REV1: variants seen among roughly 807,000 people sequenced by gnomAD.
REV1 encodes the protein translesion synthesis protein REV1.
REV1 carries 42 observed loss-of-function variants against 137.4 expected under a neutral mutation model. The ratio of observed to expected loss-of-function variants is 0.31; its 90% CI spans 0.24 to 0.40. The LOEUF (loss-of-function observed/expected upper bound fraction) is 0.40. Ranked by LOEUF, REV1 falls within the 10% of genes least tolerant of loss-of-function variation. The pLI is 1.00. For missense variants in REV1, 1,282 were observed against 1,490.1 expected, an observed-to-expected ratio of 0.86 and a Z score of 2.30; for synonymous variants, 524 against 519.2, an observed-to-expected ratio of 1.01 and a Z score of -0.12.
chr2:99,413,980 C>T (rs1677518231), intron 12 of REV1, among the ~76,000 whole-genome samples: 1 of 152,092 alleles, frequency 6.6e-6, no homozygotes. Flanking sequence ...CTGAGGTAGA[C>T]CGTCTCTATA....
chr2:99,412,995 T>C (rs1000980006), intron 12 of REV1, 44 bp from the exon 13 acceptor site: 19 of 1,370,618 alleles, frequency 1.4e-5, no homozygotes, highest in Non-Finnish European at 2.0e-5. Flanking sequence ...AAGCTACTAA[T>C]AACAAGTTTA....
At chr2:99,403,131 C>T (rs1472704410) in intron 19 of REV1, 25 bp from the exon 20 acceptor site, 2 of 1,508,138 alleles carry the variant, frequency 1.3e-6, no homozygotes, top group South Asian at 2.4e-5. Flanking sequence ...ATATAAGATC[C>T]TCAACAAAAT....
At chr2:99,454,803 A>G (rs1410083340) in intron 3 of REV1, among the ~76,000 whole-genome samples, 2 of 152,204 alleles carry the variant, frequency 1.3e-5, no homozygotes, top group Non-Finnish European at 2.9e-5. Flanking sequence ...AGAACATTCT[A>G]TATGCAACTA....
rs183556668 is a variant in REV1, at chr2:99,448,530, T to C, written c.350+806A>G. Reference sequence around the variant, plus strand: ...ATCATTAAAAAACAGTAAATAATACTGCGACTGTACTCCCTCCTTTCCCCC... The same window carrying C: ...ATCATTAAAAAACAGTAAATAATACCGCGACTGTACTCCCTCCTTTCCCCC... On this transcript the variant is annotated intron_variant, in intron 4 of 22. Coordinates refer to ENST00000258428, the MANE Select transcript of REV1 (RefSeq NM_016316.4). Among the ~76,000 whole-genome samples the C allele has an allele frequency of 8.7e-4, 133 of 152,302 alleles. No individual in the cohort carries two copies. In the Middle Eastern group the frequency reaches 0.017, roughly 19 times the overall value.
chr2:99,416,499 C>T (rs1310279557), intron 12 of REV1, among the ~76,000 whole-genome samples: 3 of 152,214 alleles, frequency 2.0e-5, no homozygotes, highest in Admixed American at 2.0e-4. Context: ...ACATGAACCA[C>T]TGTGAGCAAT....
chr2:99,442,384 G>T lies in REV1; in HGVS notation c.436C>A (p.Pro146Thr), dbSNP rs772484137. 3 of 1,613,458 alleles carry T rather than the reference G, an allele frequency of 1.9e-6. No individual in the cohort carries two copies. Among genetic ancestry groups the T allele is most frequent in the African/African-American group, 1.3e-5 (1 of 74,812 alleles). Residue 146 changes from proline to threonine, a missense_variant, in exon 5 of 23, where the codon CCT becomes ACT. This residue lies in a region of REV1 where 432 missense variants were observed against 438.0 expected (regional missense o/e 0.99). Coordinates refer to ENST00000258428, the MANE Select transcript of REV1 (RefSeq NM_016316.4). ...SSVQKGLSFN[P>T]VCRPEDPLPG... ...AGAGGATCCTCAGGTCTGCATACAG[G>T]ATTAAAGCTGAGACCTTTCTGCACA...
chr2:99,486,346 G>A (rs1221031407), intron 1 of REV1, among the ~76,000 whole-genome samples: 2 of 152,042 alleles, frequency 1.3e-5, no homozygotes, highest in African/African-American at 4.8e-5. Context: ...TGGATAACAC[G>A]GTGAAACCCC....
At chr2:99,422,053 G>A (rs1213717137) in intron 10 of REV1, among the ~76,000 whole-genome samples, 1 of 152,174 alleles carries the variant, frequency 6.6e-6, no homozygotes, top group Non-Finnish European at 1.5e-5. Flanking sequence ...AATGGTTTAT[G>A]AGAATCCTTT....
At chr2:99,441,961 A>C (rs1681537164) in intron 5 of REV1, among the ~76,000 whole-genome samples, 1 of 152,114 alleles carries the variant, frequency 6.6e-6, no homozygotes, top group African/African-American at 2.4e-5. Context: ...ACTGCTAAAA[A>C]CCAGCTTTGT....
At chr2:99,418,277 C>T (rs912874961) in intron 12 of REV1, among the ~76,000 whole-genome samples, 5 of 152,098 alleles carry the variant, frequency 3.3e-5, no homozygotes, top group African/African-American at 1.2e-4. Flanking sequence ...ACATCCTGCC[C>T]CTTAGGTGAG....
chr2:99,461,036 G>A (rs533762644), intron 3 of REV1, among the ~76,000 whole-genome samples: 1 of 151,912 alleles, frequency 6.6e-6, no homozygotes, highest in African/African-American at 2.4e-5. Context: ...TTTCATTAAC[G>A]TTTTAATTTT....
chr2:99,452,591 T>G (rs1324207988), intron 3 of REV1, among the ~76,000 whole-genome samples: 1 of 49,756 alleles, frequency 2.0e-5, no homozygotes, highest in Non-Finnish European at 4.5e-5. Context: ...TTACCATGTC[T>G]GTTTGTTTAC....
intron 11 of REV1, 142 bp downstream of exon 11, chr2:99,421,357 G>C (rs1021371873): frequency 1.0e-5 from 6 of 592,072 alleles, no homozygotes; most frequent in Non-Finnish European, 1.7e-5. Flanking sequence ...CACTTATCTC[G>C]TGTGTCACAC....
chr2:99,408,174 G>A (rs1233510023), intron 14 of REV1, 43 bp from the exon 15 acceptor site: 2 of 1,102,010 alleles, frequency 1.8e-6, no homozygotes, highest in Middle Eastern at 2.1e-4. Context: ...CATTCCATAT[G>A]TATTCACTAG....
chr2:99,403,636 A>G, intron 19 of REV1, 59 bp downstream of exon 19: 4 of 1,611,850 alleles, frequency 2.5e-6, no homozygotes, highest in Non-Finnish European at 3.4e-6. Context: ...ATAATTAGAC[A>G]ACAGTGACTC....
chr2:99,453,427 C>T (rs1052894645), intron 3 of REV1, among the ~76,000 whole-genome samples: 2 of 152,042 alleles, frequency 1.3e-5, no homozygotes, highest in African/African-American at 4.8e-5. Context: ...TTTCTTACCC[C>T]AAACCGGGAA....
At chr2:99,425,813 G>T (rs1305437418) in intron 9 of REV1, among the ~76,000 whole-genome samples, 1 of 152,102 alleles carries the variant, frequency 6.6e-6, no homozygotes, top group African/African-American at 2.4e-5. Flanking sequence ...GAGGCAGGCA[G>T]ATCACCTGAG....
At chr2:99,417,125 C>G (rs1394728345) in intron 12 of REV1, among the ~76,000 whole-genome samples, 1 of 151,980 alleles carries the variant, frequency 6.6e-6, no homozygotes, top group Non-Finnish European at 1.5e-5. Flanking sequence ...AGTACTTCAC[C>G]ATGTGACTGT....
At chr2:99,410,612 T>G in intron 14 of REV1, 83 bp downstream of exon 14, 1 of 1,234,692 alleles carries the variant, frequency 8.1e-7, no homozygotes, top group Admixed American at 2.4e-5. Flanking sequence ...TTCAAACTCC[T>G]CCTTGGTTTT....
Sources: gnomAD v4.1 joint callset for allele counts (sites outside exome capture counted in the v4.1 genomes callset) on GRCh38, gnomAD v4.1.1 for gene constraint, gnomAD v4.1.1 regional missense constraint, MANE v1.5 for transcripts, NCBI Gene and HGNC (gene_info 2026-07-23, HGNC 2026-07-21) for gene names.